The following EPHA6 variants were observed in gnomAD, a reference collection of about 807,000 sequenced individuals.
EPHA6 encodes the protein EPH receptor A6, also known as ephrin type-A receptor 6.
EPHA6 carries 50 observed loss-of-function variants against 112.0 expected under a neutral mutation model. The observed-to-expected ratio is 0.45, with a 90% CI of 0.36 to 0.56. The LOEUF (loss-of-function observed/expected upper bound fraction) is 0.56, where lower values mean the gene tolerates loss of function less well. Among genes scored for constraint, EPHA6 ranks in the 20% least tolerant of loss-of-function variants. The pLI, the probability that EPHA6 is intolerant of heterozygous loss-of-function variation, is 0.00. For synonymous variants in EPHA6, 529 were observed against 490.7 expected, an observed-to-expected ratio of 1.08 and a Z score of -1.03; for missense variants, 1,280 against 1,417.4, an observed-to-expected ratio of 0.90 and a Z score of 1.56.
At chr3:97,096,859 G>C (rs546637745) in intron 3 of EPHA6, among the ~76,000 whole-genome samples, 304 of 151,806 alleles carry the variant, frequency 2.0e-3, no homozygotes, top group Non-Finnish European at 3.5e-3. Context: ...GACAGCAAAA[G>C]ACATATGTCA....
intron 4 of EPHA6, among the ~76,000 whole-genome samples, chr3:97,235,471 T>A (rs570707423): frequency 6.6e-6 from 1 of 152,122 alleles, no homozygotes; most frequent in Non-Finnish European, 1.5e-5. Flanking sequence ...GTTCTACTTT[T>A]TAGCATTTCT....
chr3:97,065,998 A>G (rs2046165585), intron 3 of EPHA6, among the ~76,000 whole-genome samples: 1 of 152,128 alleles, frequency 6.6e-6, no homozygotes, highest in South Asian at 2.1e-4. Flanking sequence ...ATACAAGTTT[A>G]CTAGCACTCC....
chr3:97,710,052 T>C (rs988560097), intron 14 of EPHA6, among the ~76,000 whole-genome samples: 8 of 152,250 alleles, frequency 5.3e-5, no homozygotes, highest in Non-Finnish European at 8.8e-5. Context: ...AGCGAAAGTC[T>C]ACCTTTAAAA....
At chr3:97,225,760 C>T (rs1049477101) in intron 3 of EPHA6, among the ~76,000 whole-genome samples, 1 of 151,948 alleles carries the variant, frequency 6.6e-6, no homozygotes, top group Non-Finnish European at 1.5e-5. Flanking sequence ...ACAGCATATA[C>T]AAAAGAAAAT....
chr3:97,505,154 G>A (rs901343950), intron 10 of EPHA6, among the ~76,000 whole-genome samples: 4 of 151,978 alleles, frequency 2.6e-5, no homozygotes, highest in African/African-American at 9.7e-5. Context: ...TAGATAAGTT[G>A]TATAATCTCT....
chr3:97,175,379 G>T (rs1041445708), intron 3 of EPHA6, among the ~76,000 whole-genome samples: 1 of 151,762 alleles, frequency 6.6e-6, no homozygotes, highest in Non-Finnish European at 1.5e-5. Flanking sequence ...TAGATTTTCT[G>T]GGTCTTTTGA....
At chr3:97,212,956 C>T (rs1330902847) in intron 3 of EPHA6, among the ~76,000 whole-genome samples, 1 of 152,084 alleles carries the variant, frequency 6.6e-6, no homozygotes. Flanking sequence ...ATGTTGATGT[C>T]CTCTTCTCTA....
intron 3 of EPHA6, among the ~76,000 whole-genome samples, chr3:97,089,573 A>G (rs890765477): frequency 1.3e-5 from 2 of 152,152 alleles, no homozygotes; most frequent in Non-Finnish European, 2.9e-5. Context: ...TCATTTTCCA[A>G]TTCCACACAT....
chr3:97,482,621 G>A (rs568403996), intron 9 of EPHA6, among the ~76,000 whole-genome samples: 40 of 152,288 alleles, frequency 2.6e-4, no homozygotes, highest in Non-Finnish European at 4.6e-4. Flanking sequence ...GAAGGACTAA[G>A]GAAGCAAATT....
At chr3:97,681,428 T>C (rs2031853002) in intron 14 of EPHA6, among the ~76,000 whole-genome samples, 1 of 152,056 alleles carries the variant, frequency 6.6e-6, no homozygotes. Context: ...GAAGCATTAT[T>C]TATGATAGAG....
chr3:97,555,235 C>T (rs1293427970), intron 11 of EPHA6, among the ~76,000 whole-genome samples: 1 of 152,054 alleles, frequency 6.6e-6, no homozygotes, highest in Non-Finnish European at 1.5e-5. Context: ...CCAATTTCAT[C>T]CATGTCCCTA....
Position 97,582,997 on chromosome 3 carries a change from T to C in EPHA6, c.2387-9615T>C, listed in dbSNP as rs576211693. On this transcript the variant is annotated intron_variant, in intron 11 of 17. Transcript: ENST00000389672. ...AGCAATGAATGGCCAGTCTGGTCTA[T>C]AGGCAGCTTTGGAAAACTACAAACA... 9.9e-4 allele frequency among the ~76,000 whole-genome samples: 150 copies of C among 150,984 alleles called. 1 individual carries two copies. Among genetic ancestry groups the C allele is most frequent in the Admixed American group, 6.6e-4 (10 of 15,056 alleles).
intron 2 of EPHA6, among the ~76,000 whole-genome samples, chr3:96,982,131 T>G (rs1209001369): frequency 1.3e-5 from 2 of 152,194 alleles, no homozygotes; most frequent in African/African-American, 4.8e-5. Context: ...TTTCTAGTTC[T>G]TTTAATTGTG....
intron 3 of EPHA6, among the ~76,000 whole-genome samples, chr3:97,006,047 A>T (rs947073053): frequency 6.6e-6 from 1 of 152,176 alleles, no homozygotes; most frequent in Non-Finnish European, 1.5e-5. Context: ...TTTTGCATCA[A>T]TGTTCATCAG....
rs181575298 is a variant in EPHA6, at chr3:97,718,674, A to G, written c.2785-1587A>G. Among the ~76,000 whole-genome samples, 165 of 152,294 alleles carry G rather than the reference A, an allele frequency of 1.1e-3. 2 individuals are homozygous for G. The highest frequency in any genetic ancestry group is 1.9e-3 in the Non-Finnish European group (128 of 68,012). On this transcript the variant is annotated intron_variant, in intron 14 of 17. Transcript: ENST00000389672. ...CCCTGCCCCCCAACACTCTTAAGCTACTGTCACCAACTTTGTAAATTTAAT... is the reference window on the plus strand; with the variant it reads ...CCCTGCCCCCCAACACTCTTAAGCTGCTGTCACCAACTTTGTAAATTTAAT...
chr3:96,860,752 T>C (rs995448951), intron 1 of EPHA6, among the ~76,000 whole-genome samples: 2 of 152,084 alleles, frequency 1.3e-5, no homozygotes, highest in African/African-American at 4.8e-5. Context: ...TCTAAGACTA[T>C]AGCCAAATAG....
chr3:97,353,219 A>G (rs149823631), intron 5 of EPHA6, among the ~76,000 whole-genome samples: 71 of 151,866 alleles, frequency 4.7e-4, no homozygotes, highest in Non-Finnish European at 9.6e-4. Context: ...GCGCATTCCC[A>G]GTGGTGGGGC....
chr3:97,668,188 A>C (rs2030360351), intron 14 of EPHA6, among the ~76,000 whole-genome samples: 1 of 152,208 alleles, frequency 6.6e-6, no homozygotes, highest in East Asian at 1.9e-4. Context: ...TTCAAAGTAT[A>C]ATGAGAGCAA....
At chr3:97,466,485 A>T (rs1426289809) in intron 7 of EPHA6, 1 of 1,339,162 alleles carries the variant, frequency 7.5e-7, no homozygotes, top group South Asian at 1.2e-5. Flanking sequence ...TGCCTCAGGT[A>T]ACTGAAAAGT....
Sources: allele counts gnomAD v4.1 joint callset (sites outside exome capture counted in the v4.1 genomes callset), GRCh38; gene constraint gnomAD v4.1.1; transcripts MANE v1.5; gene names NCBI Gene and HGNC (gene_info 2026-07-23, HGNC 2026-07-21).